The following HS3ST3A1 variants were observed in gnomAD, a reference collection of about 807,000 sequenced individuals.
HS3ST3A1 encodes the protein heparan sulfate-glucosamine 3-sulfotransferase 3A1, also known as heparan sulfate glucosamine 3-O-sulfotransferase 3A1.
Under a neutral mutation model 25.7 loss-of-function variants are expected in HS3ST3A1, and 19 were observed. The observed-to-expected ratio is 0.74, with a 90% CI of 0.52 to 1.08. HS3ST3A1 has a LOEUF of 1.08. HS3ST3A1 is among the 50% of genes least tolerant of loss of function. The pLI is 0.00. For synonymous variants in HS3ST3A1, 226 were observed against 278.6 expected (o/e 0.81, Z 1.88); for missense variants, 459 against 594.3 (o/e 0.77, Z 2.37).
rs911332741 is a variant in HS3ST3A1, at chr17:13,569,928, C to T, written c.599+30603G>A. On this transcript the variant is annotated intron_variant, in intron 1 of 1. Coordinates refer to ENST00000284110, the MANE Select transcript of HS3ST3A1 (RefSeq NM_006042.3). ...AACCATTCCACACTCCTCCCACCTTCCTGCTCACAGAAGCTGTGTCCTAGA... is the reference window on the plus strand; with the variant it reads ...AACCATTCCACACTCCTCCCACCTTTCTGCTCACAGAAGCTGTGTCCTAGA... Among the ~76,000 whole-genome samples the T allele has an allele frequency of 3.9e-5, 6 of 152,210 alleles. No homozygotes were observed. The East Asian group carries it at 9.6e-4, about 24-fold the overall frequency.
intron 1 of HS3ST3A1, among the ~76,000 whole-genome samples, chr17:13,518,321 C>T (rs1038774647): frequency 6.6e-6 from 1 of 152,028 alleles, no homozygotes; most frequent in South Asian, 2.1e-4. Flanking sequence ...TAACATTTCC[C>T]AATGTTAAAA....
At chr17:13,545,442 T>A (rs985013607) in intron 1 of HS3ST3A1, among the ~76,000 whole-genome samples, 8 of 152,202 alleles carry the variant, frequency 5.3e-5, no homozygotes, top group Non-Finnish European at 1.5e-5. Context: ...GCCTTCACCA[T>A]CTGAGAAATC....
intron 1 of HS3ST3A1, among the ~76,000 whole-genome samples, chr17:13,532,058 C>T (rs965812721): frequency 6.6e-5 from 10 of 152,124 alleles, no homozygotes; most frequent in Admixed American, 6.5e-4. Context: ...GAATTAGCGG[C>T]TGGTAGTTAG....
At chr17:13,566,426 A>C (rs1294360876) in intron 1 of HS3ST3A1, among the ~76,000 whole-genome samples, 54 of 152,146 alleles carry the variant, frequency 3.5e-4, no homozygotes, top group Non-Finnish European at 1.5e-5. Flanking sequence ...AACAATATTG[A>C]AATTAGGTCA....
chr17:13,589,403 A>G (rs1316438520), intron 1 of HS3ST3A1, among the ~76,000 whole-genome samples: 1 of 152,198 alleles, frequency 6.6e-6, no homozygotes, highest in Non-Finnish European at 1.5e-5. Context: ...CTCTCCCCAC[A>G]TAAATATAAA....
chr17:13,586,427 C>T (rs1031306089), intron 1 of HS3ST3A1, among the ~76,000 whole-genome samples: 1 of 151,328 alleles, frequency 6.6e-6, no homozygotes, highest in Admixed American at 6.6e-5. Context: ...GAAATCAGTC[C>T]TCCACTGCAA....
intron 1 of HS3ST3A1, among the ~76,000 whole-genome samples, chr17:13,587,175 G>A (rs1908298329): frequency 6.6e-6 from 1 of 151,754 alleles, no homozygotes. Context: ...AATCTTTGAG[G>A]CCGGGCACGG....
chr17:13,507,344 A>T (rs1905718776), intron 1 of HS3ST3A1, among the ~76,000 whole-genome samples: 1 of 152,200 alleles, frequency 6.6e-6, no homozygotes, highest in African/African-American at 2.4e-5. Flanking sequence ...GCTCAGAGAG[A>T]TAATGTGACT....
At chr17:13,506,138 T>C (rs1022456778) in intron 1 of HS3ST3A1, among the ~76,000 whole-genome samples, 2 of 148,322 alleles carry the variant, frequency 1.3e-5, no homozygotes, top group Non-Finnish European at 3.0e-5. Flanking sequence ...GGAGACAAAA[T>C]AGTATTAGTT....
intron 1 of HS3ST3A1, among the ~76,000 whole-genome samples, chr17:13,523,665 T>C (rs991046630): frequency 1.3e-5 from 2 of 152,214 alleles, no homozygotes; most frequent in African/African-American, 4.8e-5. Flanking sequence ...AAATCTCCAA[T>C]AGTTTTCTCT....
At chr17:13,553,654 C>T (rs995385301) in intron 1 of HS3ST3A1, among the ~76,000 whole-genome samples, 2 of 152,172 alleles carry the variant, frequency 1.3e-5, no homozygotes, top group South Asian at 2.1e-4. Flanking sequence ...CACATCATCC[C>T]TTGTTTTAAA....
intron 1 of HS3ST3A1, among the ~76,000 whole-genome samples, chr17:13,569,104 T>TGA (rs1329466920): frequency 6.6e-6 from 1 of 152,142 alleles, no homozygotes; most frequent in Non-Finnish European, 1.5e-5. Flanking sequence ...TGTATAGGCA[T>TGA]GGTTTTGTCT....
intron 1 of HS3ST3A1, among the ~76,000 whole-genome samples, chr17:13,583,605 A>AT (rs972247796): frequency 5.3e-5 from 8 of 152,134 alleles, no homozygotes; most frequent in Admixed American, 1.3e-4. Flanking sequence ...CTACCCTTAG[A>AT]TTTTTTTATC....
At chr17:13,548,386 T>A (rs1258334199) in intron 1 of HS3ST3A1, among the ~76,000 whole-genome samples, 1 of 152,186 alleles carries the variant, frequency 6.6e-6, no homozygotes, top group Non-Finnish European at 1.5e-5. Flanking sequence ...TCTCATCCTC[T>A]CACTTAAGCC....
Position 13,496,277 on chromosome 17 carries a change from G to A in HS3ST3A1, c.1141C>T (p.Arg381Cys), listed in dbSNP as rs1211949423. 2.6e-6 allele frequency: 4 copies of A among 1,537,776 alleles called. No homozygotes were observed. The highest frequency in any genetic ancestry group is 3.5e-4 in the Middle Eastern group (2 of 5,716). The change falls in exon 2 of 2, where the codon CGC becomes TGC. Residue 381 changes from arginine to cysteine, a missense_variant. Physicochemically the swap from Arg to Cys is radical, Grantham distance 180. Around this residue, in one of 3 missense-constraint regions of HS3ST3A1, gnomAD observed 46 missense variants for 59.0 expected, o/e 0.78. Transcript: ENST00000284110. Reference sequence around the variant, plus strand: ...GGCCGGTAGAACTCGCGCAGCCTGCGCACCACCTCGCGGTCGATCTCAGGA... The same window carrying A: ...GGCCGGTAGAACTCGCGCAGCCTGCACACCACCTCGCGGTCGATCTCAGGA... Reference protein sequence around the residue: ...THPEIDREVVRRLREFYRPFN... With the variant: ...THPEIDREVVCRLREFYRPFN...
chr17:13,594,485 A>C (rs1051294905), intron 1 of HS3ST3A1, among the ~76,000 whole-genome samples: 12 of 152,260 alleles, frequency 7.9e-5, no homozygotes, highest in Non-Finnish European at 1.5e-4. Flanking sequence ...GAATGACAGG[A>C]TCCTCCTCCA....
intron 1 of HS3ST3A1, among the ~76,000 whole-genome samples, chr17:13,498,250 C>A (rs1567607174): frequency 6.6e-6 from 1 of 152,132 alleles, no homozygotes; most frequent in Non-Finnish European, 1.5e-5. Context: ...ATCTGATGGC[C>A]CCGATACTTC....
chr17:13,515,047 AG>A (rs1272233354), intron 1 of HS3ST3A1, among the ~76,000 whole-genome samples: 2 of 152,232 alleles, frequency 1.3e-5, no homozygotes, highest in African/African-American at 2.4e-5. Context: ...GAAGAGGGAA[AG>A]GGGATTTAAT....
intron 1 of HS3ST3A1, among the ~76,000 whole-genome samples, chr17:13,543,201 T>C (rs1906985411): frequency 6.6e-6 from 1 of 152,152 alleles, no homozygotes; most frequent in Admixed American, 6.6e-5. Flanking sequence ...AACCCCAATT[T>C]ATAGCCAGAT....
Sources: allele counts gnomAD v4.1 joint callset (sites outside exome capture counted in the v4.1 genomes callset), GRCh38; gene constraint gnomAD v4.1.1; regional missense constraint gnomAD v4.1.1; transcripts MANE v1.5; gene names NCBI Gene and HGNC (gene_info 2026-07-23, HGNC 2026-07-21).